Variants in PYY observed in about 807,000 individuals in gnomAD.
PYY encodes the protein peptide YY, also known as peptide tyrosine tyrosine.
A neutral mutation model predicts 10.3 loss-of-function variants in PYY; 12 were observed. The observed-to-expected ratio is 1.17, with a 90% CI of 0.75 to 1.89. PYY has a LOEUF of 1.89. PYY is among the 40% of genes most tolerant of loss of function. PYY has a pLI of 0.00. For missense variants in PYY, 141 were observed against 134.0 expected (o/e 1.05, Z -0.26); for synonymous variants, 66 against 62.0 (o/e 1.06, Z -0.30).
At chr17:43,986,227 C>T (rs1359582822) in intron 1 of PYY, among the ~76,000 whole-genome samples, 33 of 152,134 alleles carry the variant, frequency 2.2e-4, no homozygotes, top group Admixed American at 2.1e-3. Flanking sequence ...CCATTCATTG[C>T]ACTCCAGCCT....
intron 1 of PYY, among the ~76,000 whole-genome samples, chr17:43,976,186 T>TATATACACAC (rs1444172559): frequency 7.3e-6 from 1 of 136,878 alleles, no homozygotes; most frequent in African/African-American, 3.2e-5. Flanking sequence ...TATATATACG[T>TATATACACAC]ATATGTATAC....
At chr17:43,983,678 A>G (rs1372812659) in intron 1 of PYY, among the ~76,000 whole-genome samples, 3 of 152,058 alleles carry the variant, frequency 2.0e-5, no homozygotes, top group East Asian at 3.9e-4. Context: ...CAGACACCCA[A>G]CGCTCCCCGG....
chr17:43,955,214 G>T (rs1020228432), upstream of PYY, among the ~76,000 whole-genome samples: 1 of 152,186 alleles, frequency 6.6e-6, no homozygotes, highest in African/African-American at 2.4e-5. Context: ...AGAAAGGGCT[G>T]TGGGAAGGTC....
chr17:43,996,513 G>A (rs1158268041), intron 1 of PYY, among the ~76,000 whole-genome samples: 1 of 152,134 alleles, frequency 6.6e-6, no homozygotes, highest in African/African-American at 2.4e-5. Flanking sequence ...CACCCAGGCT[G>A]GAGTGCAGTG....
chr17:43,990,648 T>G (rs1168236197), intron 1 of PYY, among the ~76,000 whole-genome samples: 2 of 152,062 alleles, frequency 1.3e-5, no homozygotes, highest in Admixed American at 1.3e-4. Flanking sequence ...AGTTCATTTA[T>G]AATAGCAAAA....
At chr17:43,964,889 A>G (rs2048743789) in intron 2 of PYY, among the ~76,000 whole-genome samples, 1 of 152,228 alleles carries the variant, frequency 6.6e-6, no homozygotes. Flanking sequence ...AATATAGATC[A>G]AACAAATGCT....
At chr17:43,975,379 A>G (rs2048821542) in intron 1 of PYY, among the ~76,000 whole-genome samples, 1 of 151,932 alleles carries the variant, frequency 6.6e-6, no homozygotes. Context: ...AAAAGAGAAT[A>G]GTAAAGCTCG....
chr17:43,976,402 T>C (rs1356596811), intron 1 of PYY, among the ~76,000 whole-genome samples: 2 of 50,896 alleles, frequency 3.9e-5, no homozygotes, highest in South Asian at 9.2e-4. Flanking sequence ...TATACGTATA[T>C]ACATATTCAT....
chr17:43,983,387 G>A (rs1222348378), intron 1 of PYY, among the ~76,000 whole-genome samples: 1 of 152,214 alleles, frequency 6.6e-6, no homozygotes, highest in Non-Finnish European at 1.5e-5. Context: ...CTCCTACCGC[G>A]GGCCCTACCT....
chr17:43,963,604 AAG>A lies in PYY; in HGVS notation c.-218+2682_-218+2683del, dbSNP rs1299197714. 3.3e-5 allele frequency among the ~76,000 whole-genome samples: 3 copies of A among 91,110 alleles called. 1 individual carries two copies. Among genetic ancestry groups the A allele is most frequent in the Non-Finnish European group, 8.3e-5 (3 of 36,238 alleles). The allele number at this position is 91,110 out of a possible 152,430, so 59.8% of individuals were successfully genotyped here. A position where few individuals can be genotyped will look rare whatever the true frequency, so the allele number is the denominator to read the frequency against. On this transcript the variant is annotated intron_variant, in intron 2 of 6. Transcript: ENST00000360085. ...AAAGAAAGAAAGAAAGAAAGAAAGA[AAG>A]AAAGAAAGAAAGAAAGAAAGAGAAA...
intron 1 of PYY, among the ~76,000 whole-genome samples, chr17:43,976,436 T>C (rs1213015863): frequency 7.0e-5 from 9 of 128,636 alleles, no homozygotes; most frequent in African/African-American, 1.2e-4. Flanking sequence ...TATATACACA[T>C]ATACATGTAT....
intron 2 of PYY, among the ~76,000 whole-genome samples, chr17:43,964,757 T>A (rs1357470621): frequency 6.6e-6 from 1 of 152,042 alleles, no homozygotes; most frequent in Non-Finnish European, 1.5e-5. Flanking sequence ...GGGCCGAGAT[T>A]GTGCCATTGC....
At chr17:43,999,287 C>T (rs1416562771) in intron 1 of PYY, among the ~76,000 whole-genome samples, 1 of 151,950 alleles carries the variant, frequency 6.6e-6, no homozygotes, top group Non-Finnish European at 1.5e-5. Flanking sequence ...GGGGAGATGG[C>T]CTAAGTGGAT....
chr17:44,002,548 A>T (rs1421728597), intron 1 of PYY, among the ~76,000 whole-genome samples: 1 of 152,226 alleles, frequency 6.6e-6, no homozygotes, highest in African/African-American at 2.4e-5. Flanking sequence ...CAAGGGCAGG[A>T]TGTGTGCAGC....
rs71361552 is a variant in PYY, at chr17:43,969,515, C to CA, written c.-462-2984dup. Among the ~76,000 whole-genome samples the CA allele has an allele frequency of 3.2e-3, 286 of 90,422 alleles. 13 individuals are homozygous for CA. The highest frequency in any genetic ancestry group is 4.2e-3 in the African/African-American group (103 of 24,532). 59.3% of individuals were successfully genotyped at this position (90,422 alleles called of 152,430 possible). ...TGGGTGATAGAGCAAGACTCTGTCT[C>CA]AAAAAAAAAAAAAAAAAAAGCAAAT... On this transcript the variant is annotated intron_variant, in intron 1 of 6. Transcript: ENST00000360085.
chr17:43,979,869 G>T (rs989227221), intron 1 of PYY, among the ~76,000 whole-genome samples: 3 of 152,084 alleles, frequency 2.0e-5, no homozygotes, highest in African/African-American at 7.2e-5. Flanking sequence ...TTACCCAAAC[G>T]CTAGCTCCAT....
In PYY at chr17:43,987,094, G is replaced by A. The variant is rs2048920719; in HGVS notation, c.-463+17297C>T. On this transcript the variant is annotated intron_variant, in intron 1 of 6. Coordinates refer to the PYY transcript ENST00000360085. The surrounding 1 kb of genome is among the most constrained non-coding windows in gnomAD (Gnocchi z 4.0). ...GCTAACACATTCCTCGGGCCCCTGT[G>A]TCCACCCCTCCTCTGGTGGTCAGCA... Among the ~76,000 whole-genome samples the A allele has an allele frequency of 6.6e-6, 1 of 152,070 alleles. No homozygotes were observed. The highest frequency in any genetic ancestry group is 1.5e-5 in the Non-Finnish European group (1 of 68,004).
At chr17:43,998,205 T>C (rs557703068) in intron 1 of PYY, among the ~76,000 whole-genome samples, 1 of 151,886 alleles carries the variant, frequency 6.6e-6, no homozygotes, top group Admixed American at 6.6e-5. Context: ...TCCCAAAGTA[T>C]TGGGATTACA....
intron 1 of PYY, among the ~76,000 whole-genome samples, chr17:43,972,785 C>T (rs1018388504): frequency 1.3e-5 from 2 of 151,960 alleles, no homozygotes; most frequent in Admixed American, 6.6e-5. Flanking sequence ...GGCGTGATCT[C>T]GGTTCACCGC....
Sources: gnomAD v4.1 joint callset for allele counts (sites outside exome capture counted in the v4.1 genomes callset) on GRCh38, gnomAD v4.1.1 for gene constraint, Gnocchi (gnomAD v3.1) non-coding constraint, MANE v1.5 for transcripts, NCBI Gene and HGNC (gene_info 2026-07-23, HGNC 2026-07-21) for gene names.